SPOCK3: variants seen among roughly 807,000 people sequenced by gnomAD.
The protein encoded by SPOCK3 is SPARC (osteonectin), cwcv and kazal like domains proteoglycan 3.
A neutral mutation model predicts 56.6 loss-of-function variants in SPOCK3; 30 were observed. The ratio of observed to expected loss-of-function variants is 0.53; its 90% CI spans 0.40 to 0.72. SPOCK3 has a LOEUF of 0.72. Among genes scored for constraint, SPOCK3 ranks in the 30% least tolerant of loss-of-function variants. The pLI is 0.00. For missense variants in SPOCK3, 527 were observed against 530.0 expected (o/e 0.99, Z 0.06); for synonymous variants, 196 against 183.3 (o/e 1.07, Z -0.56).
intron 4 of SPOCK3, among the ~76,000 whole-genome samples, chr4:166,986,169 TTTC>T (rs750933359): frequency 7.2e-5 from 11 of 152,190 alleles, no homozygotes; most frequent in Non-Finnish European, 1.6e-4. Context: ...TGTTGAAGAA[TTTC>T]TTCTTTTTAT....
intron 6 of SPOCK3, among the ~76,000 whole-genome samples, chr4:166,803,535 C>G: frequency 1.3e-5 from 2 of 152,228 alleles, no homozygotes; most frequent in South Asian, 4.1e-4. Flanking sequence ...TCCGGGCAAA[C>G]GTCTTAAAGA....
rs577081940 is a variant in SPOCK3 at position 166,763,880 on chromosome 4, T to C, written c.710-9151A>G. Among the ~76,000 whole-genome samples, 20 of 152,296 alleles carry C rather than the reference T, an allele frequency of 1.3e-4. 1 individual carries two copies. In the South Asian group the frequency reaches 3.9e-3, roughly 30 times the overall value. On this transcript the variant is annotated intron_variant, in intron 7 of 10. Coordinates refer to ENST00000357545, the MANE Select transcript of SPOCK3 (RefSeq NM_001040159.2). ...TAAGTAACATCAATTCATTATTTCA[T>C]AATTCTGTAAGCTGAAAGTCCAACA...
chr4:166,908,509 C>T (rs1289570829), intron 5 of SPOCK3, among the ~76,000 whole-genome samples: 1 of 130,068 alleles, frequency 7.7e-6, no homozygotes, highest in African/African-American at 2.9e-5. Flanking sequence ...TTTATATTTG[C>T]CTTCCTTCAA....
chr4:166,985,482 A>G (rs1228203778), intron 4 of SPOCK3, among the ~76,000 whole-genome samples: 2 of 152,158 alleles, frequency 1.3e-5, no homozygotes, highest in Non-Finnish European at 2.9e-5. Flanking sequence ...CACAGAAAAC[A>G]TGTCACTTTG....
chr4:166,809,421 C>CT (rs1005119195), intron 6 of SPOCK3, among the ~76,000 whole-genome samples: 1 of 151,896 alleles, frequency 6.6e-6, no homozygotes, highest in Non-Finnish European at 1.5e-5. Flanking sequence ...TTAGGTCATT[C>CT]TCCTCTGTTC....
intron 2 of SPOCK3, among the ~76,000 whole-genome samples, chr4:167,081,810 T>C (rs572982188): frequency 6.7e-4 from 102 of 152,054 alleles, no homozygotes; most frequent in African/African-American, 2.3e-3. Context: ...AGATACAGAA[T>C]GGATAAGGTA....
chr4:167,176,871 C>A (rs1731031917), intron 2 of SPOCK3, among the ~76,000 whole-genome samples: 1 of 152,084 alleles, frequency 6.6e-6, no homozygotes, highest in African/African-American at 2.4e-5. Flanking sequence ...GCAAACATAG[C>A]TACTCAGCAC....
chr4:166,745,916 G>C (rs4379082), intron 8 of SPOCK3, among the ~76,000 whole-genome samples: 120,238 of 152,168 alleles, frequency 0.79, 47,761 homozygotes, highest in South Asian at 0.82. Context: ...GTAAAGGCAT[G>C]AATTCAACAA....
At chr4:166,965,989 C>T (rs1744693210) in intron 4 of SPOCK3, among the ~76,000 whole-genome samples, 1 of 152,076 alleles carries the variant, frequency 6.6e-6, no homozygotes, top group African/African-American at 2.4e-5. Context: ...ATCCTCTGTG[C>T]TCCACCTTTC....
At chr4:166,811,598 G>A (rs918664106) in intron 6 of SPOCK3, among the ~76,000 whole-genome samples, 3 of 151,822 alleles carry the variant, frequency 2.0e-5, no homozygotes, top group African/African-American at 7.2e-5. Flanking sequence ...GAGTGGCAAA[G>A]TTACTTGTAC....
chr4:166,789,166 AC>A (rs1741059444), intron 7 of SPOCK3, among the ~76,000 whole-genome samples: 1 of 152,168 alleles, frequency 6.6e-6, no homozygotes, highest in African/African-American at 2.4e-5. Flanking sequence ...GCGGTGGCTC[AC>A]CCCTGTAATC....
chr4:166,755,644 T>C (rs1343224789), intron 7 of SPOCK3, among the ~76,000 whole-genome samples: 1 of 152,076 alleles, frequency 6.6e-6, no homozygotes, highest in African/African-American at 2.4e-5. Flanking sequence ...GTTATTTGCA[T>C]GGAAAAGAGG....
intron 6 of SPOCK3, among the ~76,000 whole-genome samples, chr4:166,862,311 A>G (rs1731317089): frequency 6.6e-6 from 1 of 151,920 alleles, no homozygotes; most frequent in Non-Finnish European, 1.5e-5. Context: ...GAGTCTTGGA[A>G]AGAAAAAAAA....
chr4:166,961,334 T>C (rs1225104389), intron 4 of SPOCK3, among the ~76,000 whole-genome samples: 1 of 151,896 alleles, frequency 6.6e-6, no homozygotes, highest in Non-Finnish European at 1.5e-5. Context: ...TTTAAGCATA[T>C]AATCTAACAG....
chr4:166,846,459 A>C (rs1484251582), intron 6 of SPOCK3, among the ~76,000 whole-genome samples: 2 of 152,046 alleles, frequency 1.3e-5, no homozygotes, highest in Non-Finnish European at 2.9e-5. Flanking sequence ...AAACATCCTA[A>C]CAGTGAATAG....
At chr4:166,949,373 T>C (rs1370866319) in intron 4 of SPOCK3, among the ~76,000 whole-genome samples, 2 of 152,334 alleles carry the variant, frequency 1.3e-5, no homozygotes, top group African/African-American at 2.4e-5. Flanking sequence ...CTTTGTTCCA[T>C]TGCTGGTGAG....
At chr4:166,761,439 T>C (rs1406400247) in intron 7 of SPOCK3, among the ~76,000 whole-genome samples, 1 of 7,858 alleles carries the variant, frequency 1.3e-4, no homozygotes, top group African/African-American at 8.1e-4. Flanking sequence ...TAAAGACACA[T>C]GCACACGTAT....
chr4:166,901,545 G>GC (rs763617069), intron 5 of SPOCK3, among the ~76,000 whole-genome samples: 1 of 152,114 alleles, frequency 6.6e-6, no homozygotes, highest in Non-Finnish European at 1.5e-5. Context: ...TTTCTGAAAG[G>GC]CATTCAGGTC....
At chr4:166,840,777 T>G (rs1016513142) in intron 6 of SPOCK3, among the ~76,000 whole-genome samples, 13 of 136,882 alleles carry the variant, frequency 9.5e-5, no homozygotes, top group Non-Finnish European at 1.9e-4. Context: ...AAAAGTTTTT[T>G]TTTTTTTTTT....
Sources: allele counts gnomAD v4.1 joint callset (sites outside exome capture counted in the v4.1 genomes callset), GRCh38; gene constraint gnomAD v4.1.1; transcripts MANE v1.5; gene names NCBI Gene and HGNC (gene_info 2026-07-23, HGNC 2026-07-21).